Variants in INSR observed in about 807,000 individuals in gnomAD.
INSR encodes insulin receptor.
Under a neutral mutation model 142.6 loss-of-function variants are expected in INSR, and 67 were observed. The observed-to-expected ratio is 0.47, with a 90% CI of 0.39 to 0.58. The LOEUF is 0.58. Ranked by LOEUF, INSR falls within the 20% of genes least tolerant of loss-of-function variation. The probability of loss-of-function intolerance (pLI) is 0.00; values close to 1 mark genes in which losing one functional copy is unlikely to be tolerated. For synonymous variants in INSR, 756 were observed against 743.1 expected, an observed-to-expected ratio of 1.02 and a Z score of -0.28; for missense variants, 1,248 against 1,833.2, an observed-to-expected ratio of 0.68 and a Z score of 5.83.
At chr19:7,224,685 G>A (rs1207465997) in intron 2 of INSR, among the ~76,000 whole-genome samples, 2 of 152,304 alleles carry the variant, frequency 1.3e-5, no homozygotes, top group African/African-American at 2.4e-5. Context: ...TAAGATGTGC[G>A]TCCCGAGGAA....
rs1182389229 is a variant in INSR, at chr19:7,153,026, CCA to C, written c.2030-101_2030-100del. 5.8e-4 allele frequency: 280 copies of C among 480,314 alleles called. 8 individuals are homozygous for C. Among genetic ancestry groups the C allele is most frequent in the East Asian group, 3.1e-3 (86 of 28,136 alleles). The allele number at this position is 480,314 out of a possible 1,614,324, so 29.8% of individuals were successfully genotyped here. A position where few individuals can be genotyped will look rare whatever the true frequency, so the allele number is the denominator to read the frequency against. On this transcript the variant is annotated intron_variant, in intron 9 of 21. Coordinates refer to ENST00000302850, the MANE Select transcript of INSR (RefSeq NM_000208.4). Reference sequence around the variant, plus strand: ...CACACACACACACCACACACACACACCACACACACACACACCACACACCCCCC... The same window carrying C: ...CACACACACACACCACACACACACACCACACACACACACCACACACCCCCC...
intron 19 of INSR, among the ~76,000 whole-genome samples, chr19:7,120,990 C>G (rs1972477095): frequency 6.6e-6 from 1 of 151,904 alleles, no homozygotes; most frequent in Non-Finnish European, 1.5e-5. Flanking sequence ...CACAAAGAAG[C>G]TACATTTTTC....
chr19:7,218,125 C>T lies in INSR; in HGVS notation c.653-33488G>A, dbSNP rs186948667. 8.5e-5 allele frequency among the ~76,000 whole-genome samples: 13 copies of T among 152,138 alleles called. No homozygotes were observed. The East Asian group carries it at 2.5e-3, about 29-fold the overall frequency. Reference sequence around the variant, plus strand: ...CAAAGAAATAAACACGTTCCACCTCCATAGGAAAACACAGGGGGAAGGGGA... The same window carrying T: ...CAAAGAAATAAACACGTTCCACCTCTATAGGAAAACACAGGGGGAAGGGGA... On this transcript the variant is annotated intron_variant, in intron 2 of 21. Coordinates refer to ENST00000302850, the MANE Select transcript of INSR (RefSeq NM_000208.4).
In INSR at chr19:7,232,491, G is replaced by A. The variant is rs771935930; in HGVS notation, c.652+34854C>T. ...TGACAGGCGTGAGCCACTGCACCCC[G>A]GCCATGTGCATTTTATTGTATGTTA... On this transcript the variant is annotated intron_variant, in intron 2 of 21. Transcript: ENST00000302850. 3.1e-4 allele frequency among the ~76,000 whole-genome samples: 47 copies of A among 152,248 alleles called. 1 individual carries two copies. The highest frequency in any genetic ancestry group is 5.3e-4 in the Non-Finnish European group (36 of 68,032).
intron 2 of INSR, among the ~76,000 whole-genome samples, chr19:7,196,396 A>G (rs1568479298): frequency 6.6e-6 from 1 of 151,964 alleles, no homozygotes; most frequent in Admixed American, 6.6e-5. Flanking sequence ...AACGTAAACA[A>G]TTGATTGATC....
chr19:7,169,759 G>A (rs890502531), intron 6 of INSR, among the ~76,000 whole-genome samples: 2 of 152,110 alleles, frequency 1.3e-5, no homozygotes, highest in African/African-American at 4.8e-5. Context: ...CATATAAGAA[G>A]GTGTCATCCA....
chr19:7,124,461 T>C (rs10419104), intron 17 of INSR, among the ~76,000 whole-genome samples: 118,463 of 129,124 alleles, frequency 0.92, 54,432 homozygotes, highest in East Asian at 1. Context: ...ATAGTGTGAA[T>C]CCAGGAGGTG....
intron 2 of INSR, among the ~76,000 whole-genome samples, chr19:7,228,200 TG>T (rs1165122988): frequency 6.6e-6 from 1 of 152,204 alleles, no homozygotes; most frequent in Non-Finnish European, 1.5e-5. Flanking sequence ...CATGAAGACC[TG>T]CCCTAAAATG....
chr19:7,217,750 G>A (rs1007786061), intron 2 of INSR, among the ~76,000 whole-genome samples: 25 of 152,260 alleles, frequency 1.6e-4, no homozygotes, highest in African/African-American at 4.1e-4. Context: ...TAGTAGAGAC[G>A]GGGTTTCACC....
intron 2 of INSR, among the ~76,000 whole-genome samples, chr19:7,231,281 T>C (rs562059807): frequency 5.7e-5 from 8 of 141,436 alleles, no homozygotes; most frequent in Non-Finnish European, 1.1e-4. Context: ...GTCTTGTTTT[T>C]GGTGGTGTTT....
chr19:7,194,128 A>G (rs899651213), intron 2 of INSR, among the ~76,000 whole-genome samples: 13 of 152,302 alleles, frequency 8.5e-5, no homozygotes, highest in South Asian at 4.1e-4. Context: ...TCTTAAAATC[A>G]TCTTTGTTGG....
chr19:7,127,796 T>G (rs1433594377), intron 15 of INSR, among the ~76,000 whole-genome samples: 2 of 152,168 alleles, frequency 1.3e-5, no homozygotes, highest in Non-Finnish European at 1.5e-5. Context: ...CAGGCTGGAG[T>G]GCAATGGTGC....
rs946883193 is a variant in INSR at position 7,241,245 on chromosome 19, C to T, written c.652+26100G>A. 7.4e-5 allele frequency among the ~76,000 whole-genome samples: 11 copies of T among 148,002 alleles called. No homozygotes were observed. In the East Asian group the frequency reaches 1.4e-3, roughly 19 times the overall value. On this transcript the variant is annotated intron_variant, in intron 2 of 21. Transcript: ENST00000302850. ...CCAGGCTGGAGTGCAGTGGTGTGAT[C>T]GTAGCTCACTGCAGCCTCCAACTCC...
chr19:7,287,915 T>C (rs1968384661), intron 1 of INSR, among the ~76,000 whole-genome samples: 1 of 152,178 alleles, frequency 6.6e-6, no homozygotes, highest in Non-Finnish European at 1.5e-5. Flanking sequence ...CAACCTGCCG[T>C]GTCGGGGCAT....
rs56653623 is a variant in INSR at position 7,237,832 on chromosome 19, A to AAAATT, written c.652+29508_652+29512dup. On this transcript the variant is annotated intron_variant, in intron 2 of 21. Transcript: ENST00000302850. ...CTCCATCTCAAAAAAATAAATAAATAAAATTAAATTAAATTAAATTAAATT... is the reference window on the plus strand; with the variant it reads ...CTCCATCTCAAAAAAATAAATAAATAAAATTAAATTAAATTAAATTAAATTAAATT... Among the ~76,000 whole-genome samples, 1,318 of 146,794 alleles carry AAAATT rather than the reference A, an allele frequency of 9.0e-3. 21 individuals carry two copies. Among genetic ancestry groups the AAAATT allele is most frequent in the African/African-American group, 0.032 (1,238 of 38,592 alleles).
chr19:7,255,450 CCTTCT>C (rs1286590645), intron 2 of INSR, among the ~76,000 whole-genome samples: 8 of 152,104 alleles, frequency 5.3e-5, no homozygotes, highest in Admixed American at 3.9e-4. Context: ...CGCCTCTTGG[CCTTCT>C]CTTTGCCATT....
rs547188832 is a variant in INSR, at chr19:7,118,851, C to T, written c.3794+598G>A. Among the ~76,000 whole-genome samples the T allele has an allele frequency of 7.1e-5, 10 of 141,680 alleles. No homozygotes were observed. The South Asian group carries it at 2.2e-3, about 32-fold the overall frequency. The allele number at this position is 141,680 out of a possible 152,430, so 92.9% of individuals were successfully genotyped here. On this transcript the variant is annotated intron_variant, in intron 21 of 21. Transcript: ENST00000302850. ...AATGGTGTGAACCCGGGAGGCGGAG[C>T]TTGAAGTCAGCCGAGCTCGCACCAC...
intron 2 of INSR, among the ~76,000 whole-genome samples, chr19:7,197,986 A>T (rs1214566817): frequency 7.8e-6 from 1 of 127,568 alleles, no homozygotes; most frequent in Non-Finnish European, 1.6e-5. Context: ...CCATGGTGGG[A>T]GTGTGTGTGT....
At chr19:7,174,476 G>A (rs1403619268) in intron 4 of INSR, 107 bp downstream of exon 4, 5 of 1,269,072 alleles carry the variant, frequency 3.9e-6, no homozygotes, top group Non-Finnish European at 5.7e-6. Context: ...TCCTAAAAGT[G>A]CTGTAGGAGC....
Sources: allele counts gnomAD v4.1 joint callset (sites outside exome capture counted in the v4.1 genomes callset), GRCh38; gene constraint gnomAD v4.1.1; transcripts MANE v1.5; gene names NCBI Gene and HGNC (gene_info 2026-07-23, HGNC 2026-07-21).